MED13: variants seen among roughly 807,000 people sequenced by gnomAD.
MED13 encodes mediator complex subunit 13, also known as mediator of RNA polymerase II transcription subunit 13.
Under a neutral mutation model 225.2 loss-of-function variants are expected in MED13, and 23 were observed. The observed-to-expected ratio is 0.10, with a 90% CI of 0.07 to 0.14. The LOEUF is 0.14. Among genes scored for constraint, MED13 ranks in the 10% least tolerant of loss-of-function variants. MED13 has a pLI of 1.00. For missense variants in MED13, 2,197 were observed against 2,594.5 expected (o/e 0.85, Z 3.33); for synonymous variants, 942 against 889.2 (o/e 1.06, Z -1.06).
At chr17:62,055,449 T>C (rs1603410151) in intron 2 of MED13, among the ~76,000 whole-genome samples, 1 of 152,194 alleles carries the variant, frequency 6.6e-6, no homozygotes. Flanking sequence ...TTATAAATTT[T>C]CACATGAAAT....
chr17:61,986,473 T>A (rs1002243846), intron 12 of MED13, among the ~76,000 whole-genome samples: 1 of 152,246 alleles, frequency 6.6e-6, no homozygotes, highest in African/African-American at 2.4e-5. Flanking sequence ...ATTTCTTTTA[T>A]CTTCACCTTT....
intron 8 of MED13, among the ~76,000 whole-genome samples, chr17:62,015,946 ATATATATATTTTTTTTTTTTTTTTT>A (rs1216757766): frequency 4.4e-4 from 6 of 13,596 alleles, no homozygotes; most frequent in East Asian, 5.2e-3. Flanking sequence ...ATATATATAT[ATATATATATTTTTTTTTTTTTTTTT>A]TTTTTTTTTT....
At chr17:62,031,372 ATTATTTCT>A in intron 6 of MED13, 64 bp downstream of exon 6, 1 of 1,237,438 alleles carries the variant, frequency 8.1e-7, no homozygotes, top group Non-Finnish European at 1.1e-6. Flanking sequence ...TTCAAAATAA[ATTATTTCT>A]TAAGTACTTA....
intron 3 of MED13, among the ~76,000 whole-genome samples, chr17:62,040,870 A>C (rs1326248073): frequency 6.6e-6 from 1 of 152,236 alleles, no homozygotes; most frequent in Non-Finnish European, 1.5e-5. Flanking sequence ...CTTTAAAAAA[A>C]ACAGGAAATA....
At position 62,065,259 on chromosome 17, in the gene MED13, C is replaced by G; in HGVS notation, c.-54G>C. 7.1e-7 allele frequency: 1 copy of G among 1,405,760 alleles called. No homozygotes were observed. Among genetic ancestry groups the G allele is most frequent in the South Asian group, 1.3e-5 (1 of 77,580 alleles). The allele number at this position is 1,405,760 out of a possible 1,614,324, so 87.1% of individuals were successfully genotyped here. A position where few individuals can be genotyped will look rare whatever the true frequency, so the allele number is the denominator to read the frequency against. On this transcript the variant is annotated 5_prime_UTR_variant, in exon 1 of 30. Coordinates refer to ENST00000397786, the MANE Select transcript of MED13 (RefSeq NM_005121.3). ...CACAACCCACCATCCGCCATTACCGCCGCCTCCGACCAGAGAGAGAAACAC... is the reference window on the plus strand; with the variant it reads ...CACAACCCACCATCCGCCATTACCGGCGCCTCCGACCAGAGAGAGAAACAC...
intron 27 of MED13, among the ~76,000 whole-genome samples, chr17:61,952,000 C>T (rs1361429936): frequency 6.6e-6 from 1 of 152,076 alleles, no homozygotes; most frequent in Non-Finnish European, 1.5e-5. Context: ...CGGGTTCACA[C>T]CATTCTCCTG....
intron 2 of MED13, among the ~76,000 whole-genome samples, chr17:62,060,510 C>A (rs1463008920): frequency 6.6e-6 from 1 of 151,556 alleles, no homozygotes; most frequent in Non-Finnish European, 1.5e-5. Flanking sequence ...GTCCCAGGTA[C>A]TCAGGAGGCT....
At chr17:61,974,246 T>C (rs1284744676) in intron 16 of MED13, among the ~76,000 whole-genome samples, 1 of 151,718 alleles carries the variant, frequency 6.6e-6, no homozygotes, top group Non-Finnish European at 1.5e-5. Flanking sequence ...ACCCTGTCTC[T>C]ACAAAAAGTT....
chr17:62,059,925 A>G (rs182715763), intron 2 of MED13, among the ~76,000 whole-genome samples: 189 of 152,332 alleles, frequency 1.2e-3, no homozygotes, highest in African/African-American at 4.0e-3. Context: ...CTTTGGAACA[A>G]TAAATATGAT....
At chr17:61,983,254 G>T in intron 15 of MED13, 140 bp from the exon 16 acceptor site, 2 of 684,822 alleles carry the variant, frequency 2.9e-6, no homozygotes, top group South Asian at 2.3e-5. Flanking sequence ...AGAATTACAA[G>T]CACAGTCAAT....
At chr17:62,056,231 T>C (rs2080995399) in intron 2 of MED13, among the ~76,000 whole-genome samples, 1 of 151,752 alleles carries the variant, frequency 6.6e-6, no homozygotes, top group Non-Finnish European at 1.5e-5. Context: ...ATCTAATAAC[T>C]GTAATAAAAG....
At chr17:61,950,268 A>G (rs1259912433) in intron 28 of MED13, among the ~76,000 whole-genome samples, 1 of 152,206 alleles carries the variant, frequency 6.6e-6, no homozygotes, top group Non-Finnish European at 1.5e-5. Flanking sequence ...CCAAAAATGG[A>G]AACAATTCTG....
intron 1 of MED13, among the ~76,000 whole-genome samples, chr17:62,064,018 A>C (rs1416058114): frequency 2.0e-5 from 3 of 152,226 alleles, no homozygotes; most frequent in Non-Finnish European, 1.5e-5. Context: ...ATGGGCGTTA[A>C]GAAATTCGAC....
In MED13 at chr17:62,052,662, G is replaced by A; in HGVS notation, c.345C>T (p.Cys115=). The A allele has an allele frequency of 6.3e-7, 1 of 1,592,802 alleles. No homozygotes were observed. The highest frequency in any genetic ancestry group is 8.6e-7 in the Non-Finnish European group (1 of 1,168,592). The change falls in exon 3 of 30, where the codon TGC becomes TGT. Residue 115 remains cysteine, a synonymous_variant. Transcript: ENST00000397786. ...GAACTGCTTTGAAAAGCAGAGTACG[G>A]CATTCATAGGAAAGTCCATTCTCCC... is the stretch of plus-strand genomic sequence containing the variant. The part of the protein sequence containing the change: ...GVWENGLSYE[C]RTLLFKAVHN...
intron 4 of MED13, among the ~76,000 whole-genome samples, chr17:62,034,629 T>A (rs557554967): frequency 6.6e-6 from 1 of 152,034 alleles, no homozygotes; most frequent in Non-Finnish European, 1.5e-5. Context: ...AAAAACAATA[T>A]AGATATATAA....
At chr17:61,953,272 G>A (rs148868800) in intron 26 of MED13, among the ~76,000 whole-genome samples, 159 bp from the exon 27 acceptor site, 14 of 152,236 alleles carry the variant, frequency 9.2e-5, no homozygotes, top group African/African-American at 2.4e-4. Flanking sequence ...GCTAAAAGCC[G>A]TACAAATAAT....
rs1452336444 is a variant in MED13, at chr17:61,987,116, G to A, written c.2276C>T (p.Pro759Leu). 1 of 1,597,076 alleles carries A rather than the reference G, an allele frequency of 6.3e-7. No individual in the cohort carries two copies. The highest frequency in any genetic ancestry group is 2.3e-5 in the East Asian group (1 of 44,258). The stretch of plus-strand genomic sequence containing the variant: ...TGATGGAGGACGGGCATGACTAGTA[G>A]GGCGTGGAGCATCTACAAAAGTCAA... ...SPSIKQDAPR[P>L]TSHARPPSTS... Residue 759 changes from proline to leucine, a missense_variant, in exon 12 of 30, where the codon CCT (proline) becomes CTT (leucine). Pro to Leu is a moderately conservative substitution (Grantham distance 98). Transcript: ENST00000397786.
chr17:61,990,520 G>A (rs962077211), intron 11 of MED13, among the ~76,000 whole-genome samples: 1 of 150,828 alleles, frequency 6.6e-6, no homozygotes, highest in Non-Finnish European at 1.5e-5. Flanking sequence ...CAGAATATGA[G>A]TAAAATGTTA....
At chr17:62,049,774 C>CA (rs1259108377) in intron 3 of MED13, among the ~76,000 whole-genome samples, 1 of 151,448 alleles carries the variant, frequency 6.6e-6, no homozygotes, top group African/African-American at 2.4e-5. Flanking sequence ...ACTAAAAATA[C>CA]AAAAAATTAG....
Sources: gnomAD v4.1 joint callset for allele counts (sites outside exome capture counted in the v4.1 genomes callset) on GRCh38, gnomAD v4.1.1 for gene constraint, MANE v1.5 for transcripts, NCBI Gene and HGNC (gene_info 2026-07-23, HGNC 2026-07-21) for gene names.